Variants in ACHE observed in about 807,000 individuals in gnomAD.
ACHE encodes acetylcholinesterase (Yt blood group), also known as acetylcholinesterase.
A neutral mutation model predicts 53.9 loss-of-function variants in ACHE; 19 were observed. The ratio of observed to expected loss-of-function variants is 0.35; its 90% CI spans 0.25 to 0.52. ACHE has a LOEUF of 0.52. Among genes scored for constraint, ACHE ranks in the 20% least tolerant of loss-of-function variants. The probability of loss-of-function intolerance (pLI) is 0.95; values close to 1 mark genes in which losing one functional copy is unlikely to be tolerated. For missense variants in ACHE, 605 were observed against 849.4 expected, an observed-to-expected ratio of 0.71 and a Z score of 3.58; for synonymous variants, 392 against 378.1, an observed-to-expected ratio of 1.04 and a Z score of -0.43.
upstream of ACHE, chr7:100,896,713 C>CCAG: frequency 3.1e-6 from 1 of 320,174 alleles, no homozygotes; most frequent in South Asian, 2.1e-5. Flanking sequence ...CGGGGCATGA[C>CCAG]ATCACCAGGC....
chr7:100,895,773 G>A (rs1791008244), intron 1 of ACHE, 29 bp downstream of exon 1: 1 of 152,124 alleles, frequency 6.6e-6, no homozygotes, highest in African/African-American at 2.4e-5. Context: ...GGGCCTTAAG[G>A]AGAGTCCCGG....
chr7:100,890,892 C>G (rs1453757246), intron 4 of ACHE: 96 of 1,464,948 alleles, frequency 6.6e-5, no homozygotes, highest in Admixed American at 8.5e-5. Context: ...TGAGTGGGGC[C>G]CTTCCCCACG....
In ACHE at chr7:100,895,011, A is replaced by G. The variant is rs536789847; in HGVS notation, c.-20-759T>C. Among the ~76,000 whole-genome samples the G allele has an allele frequency of 2.5e-3, 383 of 152,228 alleles. 2 individuals carry two copies. Among genetic ancestry groups the G allele is most frequent in the African/African-American group, 8.3e-3 (343 of 41,562 alleles). On this transcript the variant is annotated intron_variant, in intron 1 of 4. Coordinates refer to ENST00000241069, the MANE Select transcript of ACHE (RefSeq NM_000665.5). ...AGGTCGGCGCTCCCCGCCCCGAGCC[A>G]GGAGCCGGGAACTTGGGGAGGGGGC...
chr7:100,895,928 C>A (rs1444025665), upstream of ACHE: 2 of 141,052 alleles, frequency 1.4e-5, no homozygotes, highest in Non-Finnish European at 3.1e-5. Context: ...CCCCTCCGGG[C>A]CTCACAGCGC....
Position 100,892,585 on chromosome 7 carries a change from G to T in ACHE, c.1302C>A (p.Gly434=). The T allele has an allele frequency of 6.2e-7, 1 of 1,613,274 alleles. No homozygotes were observed. Among genetic ancestry groups the T allele is most frequent in the Non-Finnish European group, 8.5e-7 (1 of 1,179,862 alleles). The change falls in exon 3 of 5, where the codon GGC becomes GGA. Residue 434 remains glycine, a synonymous_variant. Coordinates refer to ENST00000241069, the MANE Select transcript of ACHE (RefSeq NM_000665.5). This position sits in a 1 kb window ranked among gnomAD's most constrained non-coding sequence, Gnocchi z 5.2. Reference sequence around the variant, plus strand: ...CCACGGGGCACACGACATTGTGGTCGCCCACCACATCGCTCAGGGCCTCCC... The same window carrying T: ...CCACGGGGCACACGACATTGTGGTCTCCCACCACATCGCTCAGGGCCTCCC... ...RLREALSDVV[G]DHNVVCPVAQ...
Position 100,892,668 on chromosome 7 carries a change from C to T in ACHE, c.1219G>A (p.Glu407Lys). The stretch of plus-strand genomic sequence containing the variant: ...TCTGTGTAATGCAGGACCACAGCCT[C>T]GGCTGCCAGGTCACTTACCTGGGGA... Reference protein sequence around the residue: ...GVPQVSDLAAEAVVLHYTDWL... With the variant: ...GVPQVSDLAAKAVVLHYTDWL... The change falls in exon 3 of 5, where the codon GAG becomes AAG. Residue 407 changes from glutamate to lysine, a missense_variant. By Grantham distance (56) the Glu-to-Lys change is moderately conservative (BLOSUM62 1). Transcript: ENST00000241069. The surrounding 1 kb of genome is among the most constrained non-coding windows in gnomAD (Gnocchi z 5.2). The T allele has an allele frequency of 1.2e-6, 2 of 1,613,554 alleles. No homozygotes were observed. The highest frequency in any genetic ancestry group is 1.7e-6 in the Non-Finnish European group (2 of 1,179,966).
In ACHE at chr7:100,893,784, T is replaced by C; in HGVS notation, c.449A>G (p.Tyr150Cys). ...GGCCCCACTGTAGAAGCCACCCCCA[T>C]AGATCCAGACGAGGACAGGGGTGGG... ...TSPTPVLVWI[Y>C]GGGFYSGASS... The change falls in exon 2 of 5, where the codon TAT becomes TGT. Residue 150 changes from tyrosine to cysteine, a missense_variant. Tyr to Cys is a radical substitution (Grantham distance 194). This residue lies in a region of ACHE where 397 missense variants were observed against 632.5 expected (regional missense o/e 0.63). Coordinates refer to ENST00000241069, the MANE Select transcript of ACHE (RefSeq NM_000665.5). The C allele has an allele frequency of 6.2e-7, 1 of 1,613,654 alleles. No individual in the cohort carries two copies. Among genetic ancestry groups the C allele is most frequent in the Non-Finnish European group, 8.5e-7 (1 of 1,179,990 alleles).
chr7:100,892,835 G>A lies in ACHE; in HGVS notation c.1069-17C>T. 6.4e-7 allele frequency: 1 copy of A among 1,556,502 alleles called. No individual in the cohort carries two copies. The highest frequency in any genetic ancestry group is 8.7e-7 in the Non-Finnish European group (1 of 1,153,786). Reference sequence around the variant, plus strand: ...CACCAGCACCTGGGGGTGAGGGAGAGGGGGGTGGGATGGAGCGACAGGCAC... The same window carrying A: ...CACCAGCACCTGGGGGTGAGGGAGAAGGGGGTGGGATGGAGCGACAGGCAC... On this transcript the variant is annotated splice_polypyrimidine_tract_variant and intron_variant, in intron 2 of 4. Coordinates refer to ENST00000241069, the MANE Select transcript of ACHE (RefSeq NM_000665.5). This position sits in a 1 kb window ranked among gnomAD's most constrained non-coding sequence, Gnocchi z 5.2.
At chr7:100,895,239 C>T (rs1428548851) in intron 1 of ACHE, among the ~76,000 whole-genome samples, 5 of 152,184 alleles carry the variant, frequency 3.3e-5, no homozygotes, top group South Asian at 4.1e-4. Context: ...CCTAGCCCAG[C>T]CCCCGCCGCC....
chr7:100,890,172 A>AG lies in ACHE; in HGVS notation c.*41dup. 1 of 1,610,354 alleles carries AG rather than the reference A, an allele frequency of 6.2e-7. No individual in the cohort carries two copies. Among genetic ancestry groups the AG allele is most frequent in the Non-Finnish European group, 8.5e-7 (1 of 1,177,274 alleles). ...CCTGAAATAAATAGTATATACAGCT[A>AG]GGGGGCCGGGCGGAGCGGAGGACAT... On this transcript the variant is annotated 3_prime_UTR_variant, in exon 5 of 5. Coordinates refer to ENST00000241069, the MANE Select transcript of ACHE (RefSeq NM_000665.5).
chr7:100,890,524 AGAGGC>A, intron 4 of ACHE, 189 bp from the exon 5 acceptor site: 1 of 1,419,766 alleles, frequency 7.0e-7, no homozygotes, highest in South Asian at 1.5e-5. Flanking sequence ...GGATGAGGGC[AGAGGC>A]GGGGCCGGAG....
At position 100,890,159 on chromosome 7, in the gene ACHE, A is replaced by G. The variant is rs1007240405; in HGVS notation, c.*55T>C. ...GTTATAGCCCAGCCCTGAAATAAAT[A>G]GTATATACAGCTAGGGGGCCGGGCG... On this transcript the variant is annotated 3_prime_UTR_variant, in exon 5 of 5. Coordinates refer to ENST00000241069, the MANE Select transcript of ACHE (RefSeq NM_000665.5). 2.7e-5 allele frequency: 43 copies of G among 1,598,924 alleles called. 1 individual carries two copies. The highest frequency in any genetic ancestry group is 1.7e-4 in the Middle Eastern group (1 of 5,924).
rs768165907 is a variant in ACHE, at chr7:100,893,943, T to G, written c.290A>C (p.Gln97Pro). The G allele has an allele frequency of 6.2e-7, 1 of 1,607,050 alleles. No homozygotes were observed. Among genetic ancestry groups the G allele is most frequent in the Admixed American group, 1.7e-5 (1 of 58,670 alleles). Reference sequence around the variant, plus strand: ...GTCCACATATTGGTAGCAGACACTCTGGAAGGTTGTAGCGTCTACCACCCC... The same window carrying G: ...GTCCACATATTGGTAGCAGACACTCGGGAAGGTTGTAGCGTCTACCACCCC... ...WSGVVDATTFQSVCYQYVDTL... is the reference protein window; with the variant it reads ...WSGVVDATTFPSVCYQYVDTL... Residue 97 changes from glutamine to proline, a missense_variant, in exon 2 of 5, where the codon CAG becomes CCG. Physicochemically the swap from Gln to Pro is moderately conservative, Grantham distance 76. Around this residue, in one of 4 missense-constraint regions of ACHE, gnomAD observed 397 missense variants for 632.5 expected, o/e 0.63. Transcript: ENST00000241069.
At position 100,892,607 on chromosome 7, in the gene ACHE, T is replaced by C; in HGVS notation, c.1280A>G (p.Glu427Gly). ...GTCGCCCACCACATCGCTCAGGGCC[T>C]CCCTCAGGCGTGCCGGGTCCTCGGG... is the stretch of plus-strand genomic sequence containing the variant. ...LHPEDPARLR[E>G]ALSDVVGDHN... Residue 427 changes from glutamate (E) to glycine (G), a missense_variant, in exon 3 of 5, where the codon GAG (glutamate) becomes GGG (glycine). By Grantham distance (98) the Glu-to-Gly change is moderately conservative. Transcript: ENST00000241069. The surrounding 1 kb of genome is among the most constrained non-coding windows in gnomAD (Gnocchi z 5.2). The C allele has an allele frequency of 1.2e-6, 2 of 1,613,324 alleles. No homozygotes were observed. Among genetic ancestry groups the C allele is most frequent in the Non-Finnish European group, 1.7e-6 (2 of 1,179,886 alleles).
At chr7:100,895,561 C>T (rs1388688941) in intron 1 of ACHE, among the ~76,000 whole-genome samples, 1 of 152,146 alleles carries the variant, frequency 6.6e-6, no homozygotes, top group Non-Finnish European at 1.5e-5. Flanking sequence ...CGGGGGTCCC[C>T]GCGGGAATCG....
Position 100,890,183 on chromosome 7 carries a change from C to T in ACHE, c.*31G>A. ...TAGTATATACAGCTAGGGGGCCGGG[C>T]GGAGCGGAGGACATGGGGGTCCCGC... On this transcript the variant is annotated 3_prime_UTR_variant, in exon 5 of 5. Coordinates refer to ENST00000241069, the MANE Select transcript of ACHE (RefSeq NM_000665.5). 1 of 1,612,254 alleles carries T rather than the reference C, an allele frequency of 6.2e-7. No individual in the cohort carries two copies. Among genetic ancestry groups the T allele is most frequent in the Non-Finnish European group, 8.5e-7 (1 of 1,178,642 alleles).
chr7:100,891,239 C>A lies in ACHE; in HGVS notation c.1653G>T (p.Val551=). ...YVSLDLRPLE[V]RRGLRAQACA... ...AGGCCTGGGCGCGCAGCCCCCGCCG[C>A]ACCTCCAGCGGCCGCAGGTCCAGAC... Residue 551 remains valine (V), a synonymous_variant, in exon 4 of 5, where the codon GTG becomes GTT. Coordinates refer to ENST00000241069, the MANE Select transcript of ACHE (RefSeq NM_000665.5). 1 of 1,611,524 alleles carries A rather than the reference C, an allele frequency of 6.2e-7. No individual in the cohort carries two copies. Among genetic ancestry groups the A allele is most frequent in the Non-Finnish European group, 8.5e-7 (1 of 1,179,624 alleles).
Position 100,892,728 on chromosome 7 carries a change from G to A in ACHE, c.1159C>T (p.Arg387Trp), listed in dbSNP as rs1161059699. ...FSKDNESLIS[R>W]AEFLAGVRVG... is the part of the protein sequence containing the mutation. Reference sequence around the variant, plus strand: ...CGCACCCCGGCCAGGAACTCGGCCCGGCTGATGAGAGACTCGTTGTCTTTG... The same window carrying A: ...CGCACCCCGGCCAGGAACTCGGCCCAGCTGATGAGAGACTCGTTGTCTTTG... Residue 387 changes from arginine (R) to tryptophan (W), a missense_variant, in exon 3 of 5, where the codon CGG (arginine) becomes TGG (tryptophan). Transcript: ENST00000241069. This position sits in a 1 kb window ranked among gnomAD's most constrained non-coding sequence, Gnocchi z 5.2. 3 of 1,613,380 alleles carry A rather than the reference G, an allele frequency of 1.9e-6. No individual in the cohort carries two copies. The highest frequency in any genetic ancestry group is 1.3e-5 in the African/African-American group (1 of 75,002).
intron 4 of ACHE, chr7:100,890,641 G>A: frequency 7.2e-7 from 1 of 1,382,328 alleles, no homozygotes; most frequent in Non-Finnish European, 9.4e-7. Context: ...GACAGAAATG[G>A]TTGACCGTTA....
Sources: gnomAD v4.1 joint callset for allele counts (sites outside exome capture counted in the v4.1 genomes callset) on GRCh38, gnomAD v4.1.1 for gene constraint, gnomAD v4.1.1 regional missense constraint, Gnocchi (gnomAD v3.1) non-coding constraint, MANE v1.5 for transcripts, NCBI Gene and HGNC (gene_info 2026-07-23, HGNC 2026-07-21) for gene names.